Variants in FSTL5 observed in about 807,000 individuals in gnomAD.
The protein encoded by FSTL5 is follistatin like 5.
A neutral mutation model predicts 89.1 loss-of-function variants in FSTL5; 62 were observed. That is an observed-to-expected ratio of 0.70 (90% CI 0.57 to 0.86). FSTL5 has a LOEUF of 0.86. FSTL5 is among the 40% of genes least tolerant of loss of function. FSTL5 has a pLI of 0.00. For missense variants in FSTL5, 1,057 were observed against 1,001.6 expected (o/e 1.06, Z -0.75); for synonymous variants, 383 against 346.2 (o/e 1.11, Z -1.18).
At chr4:161,740,335 T>C (rs1447888671) in intron 6 of FSTL5, among the ~76,000 whole-genome samples, 2 of 152,160 alleles carry the variant, frequency 1.3e-5, no homozygotes, top group African/African-American at 4.8e-5. Flanking sequence ...TAGTATAGTA[T>C]CGCTTTTAGT....
At chr4:161,447,269 A>G (rs1185107138) in intron 15 of FSTL5, among the ~76,000 whole-genome samples, 3 of 152,106 alleles carry the variant, frequency 2.0e-5, no homozygotes, top group Non-Finnish European at 4.4e-5. Context: ...TCTACCAATA[A>G]TACCTATAAA....
chr4:161,987,713 G>A (rs1449224064), intron 3 of FSTL5, among the ~76,000 whole-genome samples: 2 of 150,646 alleles, frequency 1.3e-5, no homozygotes, highest in African/African-American at 4.9e-5. Context: ...CCAGAATCAT[G>A]AGGAACATTC....
chr4:161,545,694 T>C (rs554921414), intron 8 of FSTL5, among the ~76,000 whole-genome samples: 2 of 151,968 alleles, frequency 1.3e-5, no homozygotes, highest in Non-Finnish European at 2.9e-5. Context: ...GGGTTACTAG[T>C]TGCATTCCAT....
rs181620813 is a variant in FSTL5 at position 161,662,689 on chromosome 4, T to C, written c.728-6195A>G. Among the ~76,000 whole-genome samples, 418 of 152,214 alleles carry C rather than the reference T, an allele frequency of 2.7e-3. 3 individuals carry two copies. Among genetic ancestry groups the C allele is most frequent in the African/African-American group, 9.7e-3 (403 of 41,544 alleles). ...AAAAAAATGGAGGAGAAGTAATATT[T>C]GAACAAATAGCAGCTGACAGGTTTC... On this transcript the variant is annotated intron_variant, in intron 6 of 15. Coordinates refer to ENST00000306100, the MANE Select transcript of FSTL5 (RefSeq NM_020116.5).
At chr4:162,065,572 T>A (rs187298230) in intron 2 of FSTL5, among the ~76,000 whole-genome samples, 1 of 151,934 alleles carries the variant, frequency 6.6e-6, no homozygotes, top group African/African-American at 2.4e-5. Flanking sequence ...TGCAAGGGTA[T>A]GGAGAAAAGG....
chr4:162,112,300 G>C (rs1380622775), intron 1 of FSTL5, among the ~76,000 whole-genome samples: 1 of 152,182 alleles, frequency 6.6e-6, no homozygotes, highest in African/African-American at 2.4e-5. Flanking sequence ...TTTAGCGACA[G>C]GGTCTCACTT....
In FSTL5 at chr4:162,128,953, C is replaced by T. The variant is rs190852893; in HGVS notation, c.-16-17541G>A. On this transcript the variant is annotated intron_variant, in intron 1 of 15. Transcript: ENST00000306100. ...TTTTTTTTTTTGAGACAAAGTTTCA[C>T]TGTTGTTGCCCAGGCTGGAGCGCAG... is the stretch of plus-strand genomic sequence containing the variant. Among the ~76,000 whole-genome samples, 374 of 140,942 alleles carry T rather than the reference C, an allele frequency of 2.7e-3. 1 individual carries two copies. The highest frequency in any genetic ancestry group is 3.6e-3 in the Admixed American group (49 of 13,594). 92.5% of individuals were successfully genotyped at this position (140,942 alleles called of 152,430 possible). A position where few individuals can be genotyped will look rare whatever the true frequency, so the allele number is the denominator to read the frequency against.
chr4:162,115,178 C>T (rs1434746235), intron 1 of FSTL5, among the ~76,000 whole-genome samples: 1 of 152,092 alleles, frequency 6.6e-6, no homozygotes, highest in Non-Finnish European at 1.5e-5. Context: ...TAAATAACTA[C>T]TTTGTAATTT....
chr4:161,867,534 T>C (rs756537550), intron 4 of FSTL5, among the ~76,000 whole-genome samples: 2 of 151,762 alleles, frequency 1.3e-5, no homozygotes, highest in Non-Finnish European at 1.5e-5. Flanking sequence ...TATATAACTA[T>C]TTGCATATTA....
At chr4:161,759,592 T>C in intron 5 of FSTL5, 61 bp from the exon 6 acceptor site, 1 of 1,060,740 alleles carries the variant, frequency 9.4e-7, no homozygotes, top group Non-Finnish European at 1.3e-6. Context: ...TATAATATAA[T>C]TTATTATATG....
intron 13 of FSTL5, among the ~76,000 whole-genome samples, chr4:161,467,060 A>T (rs570301828): frequency 6.6e-6 from 1 of 152,222 alleles, no homozygotes; most frequent in East Asian, 1.9e-4. Context: ...ATACTAGGGG[A>T]TCAGTTGGAC....
chr4:161,513,588 T>C (rs1730724103), intron 10 of FSTL5, among the ~76,000 whole-genome samples: 1 of 152,088 alleles, frequency 6.6e-6, no homozygotes, highest in South Asian at 2.1e-4. Flanking sequence ...GAAATCAACC[T>C]AAATCCCCAT....
intron 15 of FSTL5, among the ~76,000 whole-genome samples, chr4:161,442,341 C>T (rs1472983118): frequency 1.3e-5 from 2 of 151,924 alleles, no homozygotes; most frequent in South Asian, 2.1e-4. Flanking sequence ...AAACCAGTGG[C>T]CCCATCAATA....
At chr4:162,044,272 A>G (rs1035878649) in intron 2 of FSTL5, among the ~76,000 whole-genome samples, 1 of 152,220 alleles carries the variant, frequency 6.6e-6, no homozygotes, top group African/African-American at 2.4e-5. Context: ...ATGAAAGCAC[A>G]TCAGTATCCT....
chr4:162,097,860 C>T (rs1730827081), intron 2 of FSTL5, among the ~76,000 whole-genome samples: 1 of 151,894 alleles, frequency 6.6e-6, no homozygotes, highest in South Asian at 2.1e-4. Flanking sequence ...TCATACATTG[C>T]TGTTGGGAAT....
chr4:162,052,188 T>A (rs1738398984), intron 2 of FSTL5, among the ~76,000 whole-genome samples: 1 of 151,356 alleles, frequency 6.6e-6, no homozygotes, highest in Non-Finnish European at 1.5e-5. Flanking sequence ...ACATGTAAAA[T>A]GATACATTTC....
At chr4:161,531,975 C>T (rs371817126) in intron 10 of FSTL5, among the ~76,000 whole-genome samples, 285 of 152,108 alleles carry the variant, frequency 1.9e-3, no homozygotes, top group African/African-American at 6.5e-3. Flanking sequence ...GAGGCCGAGA[C>T]GGGCGGATCA....
chr4:161,663,307 G>T (rs770463105), intron 6 of FSTL5, among the ~76,000 whole-genome samples: 2 of 152,180 alleles, frequency 1.3e-5, no homozygotes, highest in Non-Finnish European at 2.9e-5. Context: ...GACAAGGCAA[G>T]TCCCTTTCTC....
At chr4:162,063,264 G>T (rs1034881895) in intron 2 of FSTL5, among the ~76,000 whole-genome samples, 2 of 151,338 alleles carry the variant, frequency 1.3e-5, no homozygotes, top group Non-Finnish European at 3.0e-5. Context: ...TTTTCCATCT[G>T]TTTTTGTTCA....
Sources: gnomAD v4.1 joint callset for allele counts (sites outside exome capture counted in the v4.1 genomes callset) on GRCh38, gnomAD v4.1.1 for gene constraint, MANE v1.5 for transcripts, NCBI Gene and HGNC (gene_info 2026-07-23, HGNC 2026-07-21) for gene names.